The following SNTB1 variants were observed in gnomAD, a reference collection of about 807,000 sequenced individuals.
SNTB1 encodes syntrophin beta 1, also known as beta-1-syntrophin.
SNTB1 carries 36 observed loss-of-function variants against 48.9 expected under a neutral mutation model. That is an observed-to-expected ratio of 0.74 (90% CI 0.56 to 0.97). The LOEUF (loss-of-function observed/expected upper bound fraction) is 0.97. Among genes scored for constraint, SNTB1 ranks in the 50% least tolerant of loss-of-function variants. The pLI, the probability that SNTB1 is intolerant of heterozygous loss-of-function variation, is 0.00. For missense variants in SNTB1, 786 were observed against 703.4 expected (o/e 1.12, Z -1.33); for synonymous variants, 299 against 294.6 (o/e 1.01, Z -0.15).
At chr8:120,690,617 C>T (rs563566446) in intron 2 of SNTB1, among the ~76,000 whole-genome samples, 71 of 152,218 alleles carry the variant, frequency 4.7e-4, no homozygotes, top group Non-Finnish European at 8.5e-4. Flanking sequence ...AAAATCAATG[C>T]TTTCTGTTGT....
At chr8:120,803,884 G>C (rs540460721) in intron 1 of SNTB1, among the ~76,000 whole-genome samples, 21 of 152,290 alleles carry the variant, frequency 1.4e-4, no homozygotes, top group African/African-American at 4.8e-4. Flanking sequence ...CTGAGCCATA[G>C]GGGGTCAAAA....
At chr8:120,708,379 TAAAG>T (rs1310145419) in intron 1 of SNTB1, among the ~76,000 whole-genome samples, 1 of 151,994 alleles carries the variant, frequency 6.6e-6, no homozygotes, top group Non-Finnish European at 1.5e-5. Context: ...ACCAAATCGT[TAAAG>T]AACAGCTCAT....
intron 3 of SNTB1, among the ~76,000 whole-genome samples, chr8:120,629,556 A>ATAC (rs1393819868): frequency 6.6e-6 from 1 of 152,228 alleles, no homozygotes; most frequent in African/African-American, 2.4e-5. Context: ...GATATTTGTG[A>ATAC]TACTATAAGA....
intron 1 of SNTB1, among the ~76,000 whole-genome samples, chr8:120,797,399 A>G (rs931041525): frequency 2.6e-5 from 4 of 151,986 alleles, no homozygotes; most frequent in Non-Finnish European, 5.9e-5. Context: ...AGCACATATG[A>G]CTTTGTTATT....
chr8:120,675,208 T>TG (rs1483810215), intron 2 of SNTB1, among the ~76,000 whole-genome samples: 1 of 152,160 alleles, frequency 6.6e-6, no homozygotes, highest in Non-Finnish European at 1.5e-5. Context: ...TGGCAGCCTT[T>TG]GGGGCTCTGT....
intron 1 of SNTB1, among the ~76,000 whole-genome samples, chr8:120,785,914 C>T (rs796593290): frequency 1.1e-4 from 17 of 152,336 alleles, no homozygotes; most frequent in Admixed American, 8.5e-4. Context: ...GCCTGCATTA[C>T]GCTGGCTAAC....
At chr8:120,620,464 T>C (rs1816776109) in intron 3 of SNTB1, among the ~76,000 whole-genome samples, 1 of 152,112 alleles carries the variant, frequency 6.6e-6, no homozygotes. Flanking sequence ...GCCCCTGCTC[T>C]TCCTTCTATA....
chr8:120,678,676 A>G (rs1817879645), intron 2 of SNTB1, among the ~76,000 whole-genome samples: 1 of 152,260 alleles, frequency 6.6e-6, no homozygotes, highest in South Asian at 2.1e-4. Context: ...GAAATGAAGT[A>G]TGTGGATTAA....
At chr8:120,600,668 T>C (rs780230992) in intron 3 of SNTB1, among the ~76,000 whole-genome samples, 6 of 152,098 alleles carry the variant, frequency 3.9e-5, no homozygotes, top group Non-Finnish European at 8.8e-5. Flanking sequence ...CTATAATCTA[T>C]CTTGGTCAGC....
intron 2 of SNTB1, among the ~76,000 whole-genome samples, chr8:120,661,881 G>A (rs1293859528): frequency 6.6e-6 from 1 of 152,218 alleles, no homozygotes; most frequent in Non-Finnish European, 1.5e-5. Context: ...GTTTATGTAT[G>A]TTCAGAGAAT....
In SNTB1 at chr8:120,606,429, GTGTGTA is replaced by G. The variant is rs202240665; in HGVS notation, c.996+26009_996+26014del. On this transcript the variant is annotated intron_variant, in intron 3 of 6. Coordinates refer to ENST00000517992, the MANE Select transcript of SNTB1 (RefSeq NM_021021.4). The stretch of plus-strand genomic sequence containing the variant: ...TATATATGTGTGTGTGTGTGTGTGT[GTGTGTA>G]TATACACACACTCCAAATCATTACA... 2.3e-3 allele frequency among the ~76,000 whole-genome samples: 321 copies of G among 141,088 alleles called. 2 individuals carry two copies. Among genetic ancestry groups the G allele is most frequent in the East Asian group, 0.013 (68 of 5,058 alleles). 92.6% of individuals were successfully genotyped at this position (141,088 alleles called of 152,430 possible). A position where few individuals can be genotyped will look rare whatever the true frequency, so the allele number is the denominator to read the frequency against.
intron 6 of SNTB1, among the ~76,000 whole-genome samples, chr8:120,539,207 C>A (rs771388140): frequency 4.6e-5 from 7 of 152,124 alleles, no homozygotes; most frequent in Non-Finnish European, 8.8e-5. Context: ...TATACCAACA[C>A]CATAAATATT....
chr8:120,700,301 G>A (rs1434162400), intron 1 of SNTB1, among the ~76,000 whole-genome samples: 1 of 152,064 alleles, frequency 6.6e-6, no homozygotes, highest in African/African-American at 2.4e-5. Context: ...ATTAAACTAT[G>A]GCATTTCAAT....
intron 4 of SNTB1, chr8:120,571,131 A>C: frequency 4.7e-6 from 5 of 1,058,222 alleles, no homozygotes; most frequent in Non-Finnish European, 6.0e-6. Context: ...CATTGTTCAT[A>C]ATGCCCAGAA....
At chr8:120,807,104 C>T (rs530467216) in intron 1 of SNTB1, among the ~76,000 whole-genome samples, 1 of 152,298 alleles carries the variant, frequency 6.6e-6, no homozygotes, top group African/African-American at 2.4e-5. Context: ...CATAGGAGAC[C>T]TTTGGGATCA....
intron 2 of SNTB1, among the ~76,000 whole-genome samples, chr8:120,661,744 A>T (rs550995392): frequency 6.6e-6 from 1 of 152,178 alleles, no homozygotes; most frequent in Admixed American, 6.5e-5. Context: ...GAGAACATGC[A>T]GTGTTTGGTT....
At chr8:120,667,100 CT>C (rs34814377) in intron 2 of SNTB1, among the ~76,000 whole-genome samples, 1,731 of 140,554 alleles carry the variant, frequency 0.012, 31 homozygotes, top group African/African-American at 0.042. Flanking sequence ...TCTCTCTCTT[CT>C]TTTTTTTTTT....
rs746584945 is a variant in SNTB1 at position 120,811,573 on chromosome 8, C to T, written c.271G>A (p.Val91Ile). The change falls in exon 1 of 7, where the codon GTC becomes ATC. Residue 91 changes from valine (V) to isoleucine (I), a missense_variant. Coordinates refer to ENST00000517992, the MANE Select transcript of SNTB1 (RefSeq NM_021021.4). ...GAQPPDSPAG[V>I]RTAFTDLPEQ... ...GGCAGGTCGGTGAAAGCGGTGCGGA[C>T]CCCGGCGGGCGAGTCCGGGGGCTGC... The T allele has an allele frequency of 6.4e-7, 1 of 1,565,174 alleles. No individual in the cohort carries two copies. The highest frequency in any genetic ancestry group is 8.7e-7 in the Non-Finnish European group (1 of 1,155,542).
intron 3 of SNTB1, among the ~76,000 whole-genome samples, chr8:120,622,772 A>G (rs1816813736): frequency 6.6e-6 from 1 of 152,210 alleles, no homozygotes; most frequent in Admixed American, 6.5e-5. Context: ...TCCTCCCCTC[A>G]TGGGAACACA....
Sources: gnomAD v4.1 joint callset for allele counts (sites outside exome capture counted in the v4.1 genomes callset) on GRCh38, gnomAD v4.1.1 for gene constraint, MANE v1.5 for transcripts, NCBI Gene and HGNC (gene_info 2026-07-23, HGNC 2026-07-21) for gene names.